Variants in KPNA3 observed in about 807,000 individuals in gnomAD.
KPNA3 encodes the protein importin subunit alpha-4.
Under a neutral mutation model 73.8 loss-of-function variants are expected in KPNA3, and 13 were observed. That is an observed-to-expected ratio of 0.18 (90% confidence interval 0.11 to 0.28). KPNA3 has a LOEUF of 0.28. Among genes scored for constraint, KPNA3 ranks in the 10% least tolerant of loss-of-function variants. The pLI is 1.00. For missense variants in KPNA3, 360 were observed against 618.1 expected, an observed-to-expected ratio of 0.58 and a Z score of 4.43; for synonymous variants, 186 against 206.9, an observed-to-expected ratio of 0.90 and a Z score of 0.87.
chr13:49,745,791 C>T (rs934737769), intron 2 of KPNA3, among the ~76,000 whole-genome samples: 3 of 152,036 alleles, frequency 2.0e-5, no homozygotes, highest in Admixed American at 2.0e-4. Flanking sequence ...AGGCCGGGCA[C>T]GGTGGCTCAC....
intron 10 of KPNA3, among the ~76,000 whole-genome samples, chr13:49,718,112 A>G (rs1954322264): frequency 6.6e-6 from 1 of 152,138 alleles, no homozygotes; most frequent in African/African-American, 2.4e-5. Context: ...GCATGACCTT[A>G]GAAAGATTAT....
chr13:49,749,814 T>C (rs1432108780), intron 1 of KPNA3, among the ~76,000 whole-genome samples: 4 of 152,228 alleles, frequency 2.6e-5, no homozygotes, highest in Non-Finnish European at 5.9e-5. Flanking sequence ...GAAAGAATCA[T>C]ATAAATGTAA....
At position 49,761,963 on chromosome 13, in the gene KPNA3, C is replaced by T. The variant is rs1400239921; in HGVS notation, c.70-14970G>A. ...AGAAGTGAGGAGCCCCTCCACCCGG[C>T]AGCCGCCCCATCTGAGAAGTGAGGA... On this transcript the variant is annotated intron_variant, in intron 1 of 16. Coordinates refer to ENST00000261667, the MANE Select transcript of KPNA3 (RefSeq NM_002267.4). Among the ~76,000 whole-genome samples the T allele has an allele frequency of 1.5e-3, 226 of 152,056 alleles. 1 individual carries two copies. The highest frequency in any genetic ancestry group is 5.0e-3 in the African/African-American group (207 of 41,510).
At chr13:49,705,290 C>T (rs548717603) in intron 15 of KPNA3, among the ~76,000 whole-genome samples, 1 of 149,466 alleles carries the variant, frequency 6.7e-6, no homozygotes, top group South Asian at 2.1e-4. Context: ...ACTCGGGAGG[C>T]AGAGGTTGCA....
intron 1 of KPNA3, among the ~76,000 whole-genome samples, chr13:49,761,421 G>T (rs1013681913): frequency 6.6e-5 from 10 of 152,230 alleles, no homozygotes; most frequent in Non-Finnish European, 1.3e-4. Flanking sequence ...GTATTTTTTT[G>T]GTGGAGACGG....
At chr13:49,747,753 A>T (rs1043465952) in intron 1 of KPNA3, among the ~76,000 whole-genome samples, 1 of 152,198 alleles carries the variant, frequency 6.6e-6, no homozygotes, top group Admixed American at 6.5e-5. Context: ...TTAAATGATG[A>T]GCTACAATTA....
chr13:49,774,802 G>A (rs540157049), intron 1 of KPNA3, among the ~76,000 whole-genome samples: 25 of 152,280 alleles, frequency 1.6e-4, no homozygotes, highest in African/African-American at 5.8e-4. Flanking sequence ...TATGTCTAAC[G>A]TTATCAGAAG....
At chr13:49,768,536 C>G (rs1204993680) in intron 1 of KPNA3, among the ~76,000 whole-genome samples, 1 of 138,768 alleles carries the variant, frequency 7.2e-6, no homozygotes, top group African/African-American at 2.7e-5. Flanking sequence ...TATTTCTCTT[C>G]CTGCCGGCCT....
At chr13:49,760,773 A>C (rs1954752313) in intron 1 of KPNA3, among the ~76,000 whole-genome samples, 1 of 152,140 alleles carries the variant, frequency 6.6e-6, no homozygotes. Context: ...GTATTTCCTG[A>C]AGAGACTGGC....
chr13:49,792,414 C>CCCAGACCGCGGAAGCACACTCACTT, intron 1 of KPNA3, 24 bp downstream of exon 1: 1 of 1,546,288 alleles, frequency 6.5e-7, no homozygotes, highest in Non-Finnish European at 8.7e-7. Flanking sequence ...GCCAGGCGGG[C>CCCAGACCGCGGAAGCACACTCACTT]CCAGACCGCG....
chr13:49,699,598 C>T lies in KPNA3; in HGVS notation c.*2202G>A, dbSNP rs1232273978. On this transcript the variant is annotated 3_prime_UTR_variant, in exon 17 of 17. Coordinates refer to ENST00000261667, the MANE Select transcript of KPNA3 (RefSeq NM_002267.4). ...GAAATGCATACAAGTGTCTGCACTA[C>T]TTGATGCTAATGTTCACTTAAATGT... The T allele has an allele frequency of 1.3e-5, 2 of 152,720 alleles. No individual in the cohort carries two copies. Among genetic ancestry groups the T allele is most frequent in the Admixed American group, 6.5e-5 (1 of 15,300 alleles). The allele number at this position is 152,720 out of a possible 1,614,324, so 9.5% of individuals were successfully genotyped here.
At chr13:49,714,498 C>G (rs1954287635) in intron 10 of KPNA3, among the ~76,000 whole-genome samples, 2 of 152,034 alleles carry the variant, frequency 1.3e-5, no homozygotes, top group South Asian at 4.1e-4. Context: ...AAAAACTGAC[C>G]TTCTTTAGAA....
chr13:49,732,479 A>G lies in KPNA3; in HGVS notation c.288-13T>C, dbSNP rs1954479019. The G allele has an allele frequency of 1.3e-6, 2 of 1,531,724 alleles. No individual in the cohort carries two copies. The highest frequency in any genetic ancestry group is 1.8e-6 in the Non-Finnish European group (2 of 1,117,884). 94.9% of individuals were successfully genotyped at this position (1,531,724 alleles called of 1,614,324 possible). A position where few individuals can be genotyped will look rare whatever the true frequency, so the allele number is the denominator to read the frequency against. Reference sequence around the variant, plus strand: ...GGATAACAGTTTTCTAGGAAAATAAATATGAGAAATTAATTGCTATAATTT... The same window carrying G: ...GGATAACAGTTTTCTAGGAAAATAAGTATGAGAAATTAATTGCTATAATTT... On this transcript the variant is annotated splice_polypyrimidine_tract_variant and intron_variant, in intron 5 of 16. Transcript: ENST00000261667.
At chr13:49,715,288 T>G (rs895001176) in intron 10 of KPNA3, among the ~76,000 whole-genome samples, 3 of 152,084 alleles carry the variant, frequency 2.0e-5, no homozygotes, top group African/African-American at 7.2e-5. Context: ...ATCCTTAATA[T>G]ATAAAGAACT....
At chr13:49,788,963 G>A (rs1455066246) in intron 1 of KPNA3, among the ~76,000 whole-genome samples, 4 of 152,076 alleles carry the variant, frequency 2.6e-5, no homozygotes, top group African/African-American at 7.2e-5. Flanking sequence ...GGAAGAGGGA[G>A]GAAGAACAGC....
At chr13:49,731,934 G>T (rs1954473715) in intron 6 of KPNA3, among the ~76,000 whole-genome samples, 1 of 152,158 alleles carries the variant, frequency 6.6e-6, no homozygotes, top group African/African-American at 2.4e-5. Flanking sequence ...ACAACACAGA[G>T]GATCAGTAAT....
chr13:49,707,554 C>T (rs562210422), intron 12 of KPNA3, among the ~76,000 whole-genome samples: 2 of 120,450 alleles, frequency 1.7e-5, no homozygotes, highest in South Asian at 6.5e-4. Context: ...GTTGAGATGG[C>T]ATTTCTATGA....
chr13:49,780,426 C>T (rs1954931961), intron 1 of KPNA3, among the ~76,000 whole-genome samples: 1 of 152,092 alleles, frequency 6.6e-6, no homozygotes, highest in Non-Finnish European at 1.5e-5. Context: ...ACTTTTTCTG[C>T]TTTTCAATCT....
In KPNA3 at chr13:49,732,469, A is replaced by G; in HGVS notation, c.288-3T>C. 2 of 1,563,392 alleles carry G rather than the reference A, an allele frequency of 1.3e-6. No homozygotes were observed. Among genetic ancestry groups the G allele is most frequent in the Non-Finnish European group, 1.7e-6 (2 of 1,146,994 alleles). ...TTCTGTCACTGGATAACAGTTTTCT[A>G]GGAAAATAAATATGAGAAATTAATT... On this transcript the variant is annotated splice_region_variant and splice_polypyrimidine_tract_variant and intron_variant, in intron 5 of 16. Transcript: ENST00000261667.
Sources: gnomAD v4.1 joint callset for allele counts (sites outside exome capture counted in the v4.1 genomes callset) on GRCh38, gnomAD v4.1.1 for gene constraint, MANE v1.5 for transcripts, NCBI Gene and HGNC (gene_info 2026-07-23, HGNC 2026-07-21) for gene names.